Variants in TMEM132B observed in about 807,000 individuals in gnomAD.
TMEM132B encodes the protein transmembrane protein 132B.
Under a neutral mutation model 90.8 loss-of-function variants are expected in TMEM132B, and 18 were observed. The observed-to-expected ratio is 0.20, with a 90% CI of 0.14 to 0.29. The LOEUF is 0.29. Among genes scored for constraint, TMEM132B ranks in the 10% least tolerant of loss-of-function variants. The pLI, the probability that TMEM132B is intolerant of heterozygous loss-of-function variation, is 1.00. For synonymous variants in TMEM132B, 504 were observed against 523.3 expected (o/e 0.96, Z 0.50); for missense variants, 1,096 against 1,326.8 (o/e 0.83, Z 2.70).
intron 1 of TMEM132B, among the ~76,000 whole-genome samples, chr12:125,207,495 TG>T (rs2136062908): frequency 1.3e-5 from 2 of 152,342 alleles, no homozygotes; most frequent in South Asian, 4.1e-4. Flanking sequence ...CTGTTCAATA[TG>T]GTATCCGCCA....
intron 3 of TMEM132B, among the ~76,000 whole-genome samples, chr12:125,476,960 A>C (rs1261132760): frequency 2.0e-5 from 3 of 152,190 alleles, no homozygotes; most frequent in Non-Finnish European, 4.4e-5. Context: ...CAACACAAAA[A>C]ATCTTCCTCT....
chr12:125,658,350 C>T lies in TMEM132B; in HGVS notation c.*3640C>T, dbSNP rs1035530063. 6.6e-6 allele frequency: 1 copy of T among 152,188 alleles called. No homozygotes were observed. The allele number at this position is 152,188 out of a possible 1,614,324, so 9.4% of individuals were successfully genotyped here. Reference sequence around the variant, plus strand: ...AGGGGTCTTCCCATTACTGGGATGTCGGGGCCCTGTCAGAGAACTATTATT... The same window carrying T: ...AGGGGTCTTCCCATTACTGGGATGTTGGGGCCCTGTCAGAGAACTATTATT... On this transcript the variant is annotated 3_prime_UTR_variant, in exon 9 of 9. Transcript: ENST00000682704.
intron 1 of TMEM132B, among the ~76,000 whole-genome samples, chr12:125,239,057 G>A (rs796975342): frequency 1.8e-4 from 27 of 152,248 alleles, no homozygotes; most frequent in African/African-American, 4.6e-4. Flanking sequence ...GGTGAGGGGC[G>A]GGGTGAGGCA....
At chr12:125,361,630 T>C (rs140063966) in intron 2 of TMEM132B, among the ~76,000 whole-genome samples, 1 of 152,320 alleles carries the variant, frequency 6.6e-6, no homozygotes, top group African/African-American at 2.4e-5. Context: ...TGGTAGAGCT[T>C]GGAAATGAGG....
rs1236556392 is a variant in TMEM132B at position 125,409,734 on chromosome 12, TG to T, written c.960-5795del. On this transcript the variant is annotated intron_variant, in intron 2 of 8. Transcript: ENST00000682704. ...AGTGAGTGGAGTGGAGTGAGTGGAG[TG>T]GAGTGGAGTGGAGTGAGTGGAGTGG... is the stretch of plus-strand genomic sequence containing the variant. Among the ~76,000 whole-genome samples, 72 of 18,802 alleles carry T rather than the reference TG, an allele frequency of 3.8e-3. 3 individuals are homozygous for T. Among genetic ancestry groups the T allele is most frequent in the Admixed American group, 9.2e-3 (17 of 1,842 alleles). 12.3% of individuals were successfully genotyped at this position (18,802 alleles called of 152,430 possible). A position where few individuals can be genotyped will look rare whatever the true frequency, so the allele number is the denominator to read the frequency against.
rs1024915063 is a variant in TMEM132B at position 125,246,341 on chromosome 12, G to A, written c.67+59475G>A. On this transcript the variant is annotated intron_variant, in intron 1 of 8. Coordinates refer to ENST00000682704, the MANE Select transcript of TMEM132B (RefSeq NM_001366854.1). This position sits in a 1 kb window ranked among gnomAD's most constrained non-coding sequence, Gnocchi z 4.2. ...TTGGAGTTAGGGAGCAAGTTGATCC[G>A]TGTAAATAATGCAAAGGATTATGAA... 3.3e-5 allele frequency among the ~76,000 whole-genome samples: 5 copies of A among 152,316 alleles called. No homozygotes were observed. The highest frequency in any genetic ancestry group is 9.6e-5 in the African/African-American group (4 of 41,568).
At chr12:125,248,605 A>G (rs1454367252) in intron 1 of TMEM132B, among the ~76,000 whole-genome samples, 1 of 152,246 alleles carries the variant, frequency 6.6e-6, no homozygotes, top group Non-Finnish European at 1.5e-5. Flanking sequence ...TGGAAGGCTA[A>G]TAAATTATAA....
At chr12:125,242,009 A>G (rs1398538511) in intron 1 of TMEM132B, among the ~76,000 whole-genome samples, 1 of 152,190 alleles carries the variant, frequency 6.6e-6, no homozygotes, top group African/African-American at 2.4e-5. Context: ...AGGTCCTCCA[A>G]AGATCTGTTG....
chr12:125,388,074 G>A (rs148242036), intron 2 of TMEM132B, among the ~76,000 whole-genome samples: 9 of 152,270 alleles, frequency 5.9e-5, no homozygotes, highest in African/African-American at 2.2e-4. Flanking sequence ...GCATAACACA[G>A]GATTTGGTTG....
intron 7 of TMEM132B, among the ~76,000 whole-genome samples, chr12:125,651,620 C>T (rs1372829090): frequency 2.6e-5 from 4 of 152,274 alleles, no homozygotes; most frequent in Admixed American, 1.3e-4. Context: ...GACAAATTAC[C>T]ACAAACTAGC....
At chr12:125,299,789 C>T (rs1173768171) in intron 1 of TMEM132B, among the ~76,000 whole-genome samples, 1 of 152,216 alleles carries the variant, frequency 6.6e-6, no homozygotes, top group Non-Finnish European at 1.5e-5. Flanking sequence ...CTCTTCTCAC[C>T]CTGGTCTAAG....
chr12:125,501,004 A>G (rs1017117296), intron 3 of TMEM132B, among the ~76,000 whole-genome samples: 1 of 152,232 alleles, frequency 6.6e-6, no homozygotes, highest in Admixed American at 6.5e-5. Flanking sequence ...AAGACAGTTC[A>G]GAACAAGGGT....
chr12:125,391,566 AG>A (rs1194111593), intron 2 of TMEM132B, among the ~76,000 whole-genome samples: 5 of 152,142 alleles, frequency 3.3e-5, no homozygotes, highest in African/African-American at 7.2e-5. Context: ...ACTCCCCTGC[AG>A]ACCTGCAGGG....
intron 3 of TMEM132B, among the ~76,000 whole-genome samples, chr12:125,468,813 G>A (rs12578940): frequency 0.1 from 15,895 of 151,966 alleles, 1,030 homozygotes; most frequent in East Asian, 0.34. Flanking sequence ...TCCTCTAACC[G>A]TCTTGGTTAA....
chr12:125,450,467 T>C (rs1221976862), intron 3 of TMEM132B, among the ~76,000 whole-genome samples: 1 of 152,114 alleles, frequency 6.6e-6, no homozygotes, highest in African/African-American at 2.4e-5. Flanking sequence ...CCCGTGTAGA[T>C]AATAAAACAA....
At chr12:125,580,524 G>A (rs368259514) in intron 4 of TMEM132B, among the ~76,000 whole-genome samples, 4 of 152,310 alleles carry the variant, frequency 2.6e-5, no homozygotes, top group African/African-American at 9.6e-5. Flanking sequence ...CTTCTAGACT[G>A]CTGGTTTTTA....
In TMEM132B at chr12:125,277,030, G is replaced by A. The variant is rs1875010668; in HGVS notation, c.68-72422G>A. Among the ~76,000 whole-genome samples the A allele has an allele frequency of 6.6e-6, 1 of 152,146 alleles. No homozygotes were observed. Among genetic ancestry groups the A allele is most frequent in the Admixed American group, 6.5e-5 (1 of 15,272 alleles). ...ATGAGCTGGATTTGTGGGTACCGTG[G>A]GTTGAATTATGTCCACCAAAACATA... On this transcript the variant is annotated intron_variant, in intron 1 of 8. Transcript: ENST00000682704. This position sits in a 1 kb window ranked among gnomAD's most constrained non-coding sequence, Gnocchi z 4.3.
chr12:125,234,520 C>T (rs1873889447), intron 1 of TMEM132B, among the ~76,000 whole-genome samples: 2 of 152,248 alleles, frequency 1.3e-5, no homozygotes, highest in Non-Finnish European at 2.9e-5. Flanking sequence ...ATTCTCGGGC[C>T]CCACCTGCCG....
intron 2 of TMEM132B, among the ~76,000 whole-genome samples, chr12:125,412,023 C>T (rs753360763): frequency 1.3e-5 from 2 of 152,096 alleles, no homozygotes; most frequent in African/African-American, 4.8e-5. Context: ...CACGGCACCC[C>T]CCGTGCTAGG....
Sources: gnomAD v4.1 joint callset for allele counts (sites outside exome capture counted in the v4.1 genomes callset) on GRCh38, gnomAD v4.1.1 for gene constraint, Gnocchi (gnomAD v3.1) non-coding constraint, MANE v1.5 for transcripts, NCBI Gene and HGNC (gene_info 2026-07-23, HGNC 2026-07-21) for gene names.